Variants in IL1RAPL2 observed in about 807,000 individuals in gnomAD.
The protein encoded by IL1RAPL2 is X-linked interleukin-1 receptor accessory protein-like 2.
IL1RAPL2 carries 3 observed loss-of-function variants against 44.1 expected under a neutral mutation model. That is an observed-to-expected ratio of 0.07 (90% CI 0.03 to 0.18). The LOEUF is 0.18. Ranked by LOEUF, IL1RAPL2 falls within the 10% of genes least tolerant of loss-of-function variation. The probability of loss-of-function intolerance (pLI) is 1.00; values close to 1 mark genes in which losing one functional copy is unlikely to be tolerated. For synonymous variants in IL1RAPL2, 181 were observed against 178.8 expected (o/e 1.01, Z -0.10); for missense variants, 391 against 496.4 (o/e 0.79, Z 2.02).
At chrX:105,317,996 G>A (rs1356242680) in intron 5 of IL1RAPL2, among the ~76,000 whole-genome samples, 4 of 102,058 alleles carry the variant, frequency 3.9e-5, no homozygotes, top group Non-Finnish European at 7.9e-5. Context: ...TTTTAAAGAC[G>A]AAGTCTCGCT....
At chrX:104,594,223 CA>C (rs1185950891) in intron 1 of IL1RAPL2, among the ~76,000 whole-genome samples, 1 of 112,182 alleles carries the variant, frequency 8.9e-6, no homozygotes, top group African/African-American at 3.2e-5. Context: ...AGTATGTAAA[CA>C]AGCAATAATT....
intron 3 of IL1RAPL2, chrX:105,219,972 C>G: frequency 2.5e-6 from 3 of 1,200,519 alleles, no homozygotes; most frequent in Non-Finnish European, 3.4e-6. Flanking sequence ...CCTTGTCTCT[C>G]TCTTTCTGCA....
intron 6 of IL1RAPL2, among the ~76,000 whole-genome samples, chrX:105,521,136 G>A (rs1419859666): frequency 2.2e-4 from 23 of 102,595 alleles, no homozygotes; most frequent in African/African-American, 7.5e-4. Flanking sequence ...AGTAGAGACG[G>A]GGTTTCACCG....
intron 5 of IL1RAPL2, among the ~76,000 whole-genome samples, chrX:105,328,756 TC>T (rs1392415630): frequency 8.9e-6 from 1 of 112,166 alleles, no homozygotes; most frequent in Non-Finnish European, 1.9e-5. Flanking sequence ...TTACTGGACT[TC>T]TTCTATGTTT....
At chrX:105,321,555 T>A (rs6621962) in intron 5 of IL1RAPL2, among the ~76,000 whole-genome samples, 12,555 of 111,729 alleles carry the variant, frequency 0.11, 1,723 homozygotes, top group African/African-American at 0.39. Flanking sequence ...GCCCTGTGCA[T>A]CTGCACAGAT....
chrX:105,020,045 G>C (rs969290501), intron 2 of IL1RAPL2, among the ~76,000 whole-genome samples: 1 of 110,806 alleles, frequency 9.0e-6, no homozygotes, highest in African/African-American at 3.3e-5. Flanking sequence ...ACTCAGGCTG[G>C]AGTGCAGTGG....
intron 6 of IL1RAPL2, among the ~76,000 whole-genome samples, chrX:105,510,573 G>A (rs776974106): frequency 6.3e-5 from 7 of 111,625 alleles, no homozygotes; most frequent in Non-Finnish European, 1.1e-4. Flanking sequence ...TCACCTTCAC[G>A]GCAAAGGTGA....
In IL1RAPL2 at chrX:104,849,355, A is replaced by AATATATATATATATATATATATAT. The variant is rs375364495; in HGVS notation, c.82+190372_82+190373insATATATATATATATATATATATAT. 1.3e-4 allele frequency among the ~76,000 whole-genome samples: 9 copies of AATATATATATATATATATATATAT among 68,697 alleles called. No homozygotes were observed. The East Asian group carries it at 1.9e-3, about 15-fold the overall frequency. The allele number at this position is 68,697 out of a possible 115,157, so 59.7% of individuals were successfully genotyped here. ...GTGAGCCACCATGCTTGAACTATAT[A>AATATATATATATATATATATATAT]ATATATATATATGGATTACTTACGG... On this transcript the variant is annotated intron_variant, in intron 2 of 10. Coordinates refer to ENST00000372582, the MANE Select transcript of IL1RAPL2 (RefSeq NM_017416.2).
At chrX:105,182,752 T>C (rs1248173262) in intron 2 of IL1RAPL2, among the ~76,000 whole-genome samples, 2 of 111,796 alleles carry the variant, frequency 1.8e-5, no homozygotes, top group East Asian at 5.6e-4. Flanking sequence ...TGGTTTTCTA[T>C]AGTGGCAGCA....
chrX:105,674,774 G>A (rs1270024950), intron 6 of IL1RAPL2, among the ~76,000 whole-genome samples: 1 of 111,635 alleles, frequency 9.0e-6, no homozygotes, highest in Non-Finnish European at 1.9e-5. Context: ...TCATGATATT[G>A]GTTCTTCCTA....
chrX:105,334,805 C>G (rs1268376959), intron 5 of IL1RAPL2, among the ~76,000 whole-genome samples: 1 of 111,073 alleles, frequency 9.0e-6, no homozygotes, highest in Admixed American at 9.6e-5. Flanking sequence ...GGATGAATCT[C>G]GGTGTTTTAC....
chrX:105,460,747 C>T (rs975433715), intron 5 of IL1RAPL2, among the ~76,000 whole-genome samples: 2 of 111,844 alleles, frequency 1.8e-5, no homozygotes, highest in African/African-American at 6.5e-5. Flanking sequence ...CTAGTCCTTT[C>T]ATTTTCATTT....
intron 2 of IL1RAPL2, among the ~76,000 whole-genome samples, chrX:104,883,224 A>G (rs914668858): frequency 9.0e-6 from 1 of 110,901 alleles, no homozygotes; most frequent in Non-Finnish European, 1.9e-5. Context: ...ATTCTGTCCT[A>G]TTTTTCCTTA....
chrX:105,186,700 C>G (rs782222467), intron 2 of IL1RAPL2, among the ~76,000 whole-genome samples: 1 of 111,497 alleles, frequency 9.0e-6, no homozygotes, highest in East Asian at 2.8e-4. Context: ...TTGTTAGATG[C>G]TAGCTAACCC....
chrX:105,405,678 G>A (rs1305884046), intron 5 of IL1RAPL2: 1 of 1,065,837 alleles, frequency 9.4e-7, no homozygotes, highest in Admixed American at 2.2e-5. Context: ...CTGAAAGGCA[G>A]CCCTAAGAAC....
At chrX:104,853,826 C>A (rs1161453524) in intron 2 of IL1RAPL2, among the ~76,000 whole-genome samples, 2 of 105,060 alleles carry the variant, frequency 1.9e-5, no homozygotes, top group Non-Finnish European at 3.9e-5. Flanking sequence ...TGGCGTGAAC[C>A]CGGGAGGCGG....
intron 2 of IL1RAPL2, among the ~76,000 whole-genome samples, chrX:105,160,052 A>C (rs1453847578): frequency 1.0e-5 from 1 of 100,439 alleles, no homozygotes; most frequent in African/African-American, 3.7e-5. Context: ...CACAAAGCGT[A>C]ATCTATTGGG....
At chrX:105,116,203 G>T (rs976928693) in intron 2 of IL1RAPL2, among the ~76,000 whole-genome samples, 1 of 112,828 alleles carries the variant, frequency 8.9e-6, no homozygotes, top group African/African-American at 3.2e-5. Context: ...GCCAGAGTGG[G>T]CACTGAGGCC....
chrX:105,175,068 G>A (rs1476980941), intron 2 of IL1RAPL2, among the ~76,000 whole-genome samples: 1 of 111,580 alleles, frequency 9.0e-6, no homozygotes, highest in Non-Finnish European at 1.9e-5. Context: ...TAAGGTTGTT[G>A]TGAGGATTAA....
Sources: allele counts gnomAD v4.1 joint callset (sites outside exome capture counted in the v4.1 genomes callset), GRCh38; gene constraint gnomAD v4.1.1; transcripts MANE v1.5; gene names NCBI Gene and HGNC (gene_info 2026-07-23, HGNC 2026-07-21).